PCDHGB6: variants seen among roughly 807,000 people sequenced by gnomAD.
The protein encoded by PCDHGB6 is protocadherin gamma subfamily B, 6.
In PCDHGB6, 51 loss-of-function variants were observed where a neutral mutation model predicts 59.1. That is an observed-to-expected ratio of 0.86 (90% CI 0.69 to 1.09). PCDHGB6 has a LOEUF of 1.09. Among genes scored for constraint, PCDHGB6 ranks in the 50% least tolerant of loss-of-function variants. The pLI, the probability that PCDHGB6 is intolerant of heterozygous loss-of-function variation, is 0.00. For missense variants in PCDHGB6, 1,148 were observed against 1,205.1 expected (o/e 0.95, Z 0.70); for synonymous variants, 466 against 495.1 (o/e 0.94, Z 0.78).
chr5:141,480,712 A>G (rs559266864), intron 1 of PCDHGB6, among the ~76,000 whole-genome samples: 13 of 152,306 alleles, frequency 8.5e-5, no homozygotes, highest in African/African-American at 2.9e-4. Context: ...CCGACAAATG[A>G]AAGCACAGTC....
intron 2 of PCDHGB6, among the ~76,000 whole-genome samples, chr5:141,504,280 C>T (rs1027657223): frequency 6.6e-6 from 1 of 152,076 alleles, no homozygotes; most frequent in Admixed American, 6.6e-5. Context: ...AATTATGAAT[C>T]ATTTCATGTT....
intron 1 of PCDHGB6, among the ~76,000 whole-genome samples, chr5:141,467,571 A>T (rs1228156610): frequency 6.6e-6 from 1 of 152,212 alleles, no homozygotes; most frequent in African/African-American, 2.4e-5. Context: ...ATGGCTATCC[A>T]GTTGTCCCAA....
chr5:141,412,983 G>A (rs1372992044), intron 1 of PCDHGB6: 1 of 557,334 alleles, frequency 1.8e-6, no homozygotes, highest in Admixed American at 3.6e-5. Context: ...CGCAGCCAGA[G>A]CTCAATCCGG....
chr5:141,494,749 G>C (rs573811540), intron 1 of PCDHGB6, 58 bp from the exon 2 acceptor site: 3 of 1,612,818 alleles, frequency 1.9e-6, no homozygotes, highest in South Asian at 2.2e-5. Context: ...CTAGGGGCTC[G>C]GGTGACATTC....
intron 1 of PCDHGB6, chr5:141,414,163 G>A (rs1455950284): frequency 5.6e-6 from 9 of 1,603,256 alleles, no homozygotes; most frequent in Non-Finnish European, 7.7e-6. Flanking sequence ...AGATGGAGGA[G>A]CATATCTTGC....
chr5:141,508,535 C>A (rs1294413041), intron 3 of PCDHGB6, among the ~76,000 whole-genome samples: 1 of 152,172 alleles, frequency 6.6e-6, no homozygotes, highest in Non-Finnish European at 1.5e-5. Context: ...GGGCACCCCC[C>A]ACGAGGTGGG....
Position 141,476,659 on chromosome 5 carries a change from G to C in PCDHGB6, c.2419-18148G>C. On this transcript the variant is annotated intron_variant, in intron 1 of 3. Transcript: ENST00000520790. This position sits in a 1 kb window ranked among gnomAD's most constrained non-coding sequence, Gnocchi z 7.6. ...AGCTGAGCCGAAATGAATACTTTGCGCTTCGCGTGCAGACGCGGGAGGACA... is the reference window on the plus strand; with the variant it reads ...AGCTGAGCCGAAATGAATACTTTGCCCTTCGCGTGCAGACGCGGGAGGACA... 1 of 1,614,252 alleles carries C rather than the reference G, an allele frequency of 6.2e-7. No individual in the cohort carries two copies. The highest frequency in any genetic ancestry group is 8.5e-7 in the Non-Finnish European group (1 of 1,180,048).
In PCDHGB6 at chr5:141,432,365, G is replaced by A. The variant is rs1561860587; in HGVS notation, c.2418+21745G>A. The A allele has an allele frequency of 6.2e-7, 1 of 1,614,224 alleles. No homozygotes were observed. The highest frequency in any genetic ancestry group is 2.2e-5 in the East Asian group (1 of 44,882). ...CTTGCAAGTGAAAGTGATGGCGCGG[G>A]ACAACGGGCACCCGCCCCTCAGCAG... On this transcript the variant is annotated intron_variant, in intron 1 of 3. Transcript: ENST00000520790. The surrounding 1 kb of genome is among the most constrained non-coding windows in gnomAD (Gnocchi z 6.0).
intron 1 of PCDHGB6, 96 bp from the exon 2 acceptor site, chr5:141,494,711 A>T (rs757105958): frequency 6.3e-7 from 1 of 1,599,616 alleles, no homozygotes; most frequent in Non-Finnish European, 8.5e-7. Context: ...CTCTGTGCCC[A>T]CTCCCCTCCT....
In PCDHGB6 at chr5:141,489,597, A is replaced by G; in HGVS notation, c.2419-5210A>G. 6.2e-7 allele frequency: 1 copy of G among 1,614,100 alleles called. No individual in the cohort carries two copies. The highest frequency in any genetic ancestry group is 1.3e-5 in the African/African-American group (1 of 75,040). ...AACACCCCCTGGAGCTAATCCGTGTAGAGGTAGAGATCCTGGATCTCAATG... is the reference window on the plus strand; with the variant it reads ...AACACCCCCTGGAGCTAATCCGTGTGGAGGTAGAGATCCTGGATCTCAATG... On this transcript the variant is annotated intron_variant, in intron 1 of 3. Transcript: ENST00000520790. The surrounding 1 kb of genome is among the most constrained non-coding windows in gnomAD (Gnocchi z 4.5).
intron 1 of PCDHGB6, among the ~76,000 whole-genome samples, chr5:141,434,195 T>C (rs1561872734): frequency 6.6e-6 from 1 of 151,916 alleles, no homozygotes; most frequent in Non-Finnish European, 1.5e-5. Flanking sequence ...AATTCCAATG[T>C]ACTTACTTCT....
chr5:141,456,975 A>T (rs1240583336), intron 1 of PCDHGB6, among the ~76,000 whole-genome samples: 1 of 152,178 alleles, frequency 6.6e-6, no homozygotes, highest in East Asian at 1.9e-4. Flanking sequence ...AACAAAACAA[A>T]CAAACAAACA....
intron 1 of PCDHGB6, chr5:141,440,564 A>T (rs531383065): frequency 1.3e-5 from 2 of 152,248 alleles, no homozygotes; most frequent in Non-Finnish European, 2.9e-5. Context: ...TAAGTTACGT[A>T]TCTCTGAGTT....
rs200877911 is a variant in PCDHGB6 at position 141,477,977 on chromosome 5, A to G, written c.2419-16830A>G. ...ATCCCCTAACCAGAGCCTTTTTGCC[A>G]TAGGGCTGCACACTGGTCAAATCAG... On this transcript the variant is annotated intron_variant, in intron 1 of 3. Coordinates refer to ENST00000520790, the MANE Select transcript of PCDHGB6 (RefSeq NM_018926.3). The surrounding 1 kb of genome is among the most constrained non-coding windows in gnomAD (Gnocchi z 4.9). 5 of 1,614,092 alleles carry G rather than the reference A, an allele frequency of 3.1e-6. No individual in the cohort carries two copies. The East Asian group carries it at 6.7e-5, about 22-fold the overall frequency.
At chr5:141,510,322 A>G (rs62379243) in intron 3 of PCDHGB6, among the ~76,000 whole-genome samples, 36,300 of 150,290 alleles carry the variant, frequency 0.24, 4,456 homozygotes, top group Admixed American at 0.32. Flanking sequence ...TTGGAAGAGC[A>G]CTCTTCACCC....
At chr5:141,439,412 T>G (rs2098111019) in intron 1 of PCDHGB6, among the ~76,000 whole-genome samples, 1 of 152,194 alleles carries the variant, frequency 6.6e-6, no homozygotes, top group Admixed American at 6.5e-5. Flanking sequence ...CTAACATCAC[T>G]GAGGTTATAA....
Position 141,422,436 on chromosome 5 carries a change from C to T in PCDHGB6, c.2418+11816C>T, listed in dbSNP as rs200737047. The T allele has an allele frequency of 1.2e-5, 20 of 1,609,634 alleles. No homozygotes were observed. The East Asian group carries it at 4.0e-4, about 32-fold the overall frequency. On this transcript the variant is annotated intron_variant, in intron 1 of 3. Coordinates refer to ENST00000520790, the MANE Select transcript of PCDHGB6 (RefSeq NM_018926.3). The stretch of plus-strand genomic sequence containing the variant: ...TAGAAAAGACTTATGGAAATTATTA[C>T]AAATTGATAACAAGCAGAGTGCTGG...
intron 1 of PCDHGB6, among the ~76,000 whole-genome samples, chr5:141,474,770 G>A (rs1221980722): frequency 6.6e-6 from 1 of 152,204 alleles, no homozygotes; most frequent in African/African-American, 2.4e-5. Context: ...GAAATAGTAT[G>A]AGGCTCTAAC....
chr5:141,414,152 A>T, intron 1 of PCDHGB6: 1 of 1,600,994 alleles, frequency 6.2e-7, no homozygotes, highest in Non-Finnish European at 8.5e-7. Flanking sequence ...ATACAAGCAG[A>T]AGATGGAGGA....
Sources: allele counts gnomAD v4.1 joint callset (sites outside exome capture counted in the v4.1 genomes callset), GRCh38; gene constraint gnomAD v4.1.1; non-coding constraint Gnocchi (gnomAD v3.1); transcripts MANE v1.5; gene names NCBI Gene and HGNC (gene_info 2026-07-23, HGNC 2026-07-21).